ANKRD44: variants seen among roughly 807,000 people sequenced by gnomAD.
ANKRD44 encodes serine/threonine-protein phosphatase 6 regulatory ankyrin repeat subunit B.
In ANKRD44, 35 loss-of-function variants were observed where a neutral mutation model predicts 116.0. The ratio of observed to expected loss-of-function variants is 0.30; its 90% CI spans 0.23 to 0.40. The LOEUF (loss-of-function observed/expected upper bound fraction) is 0.40. Ranked by LOEUF, ANKRD44 falls within the 10% of genes least tolerant of loss-of-function variation. The probability of loss-of-function intolerance (pLI) is 1.00; values close to 1 mark genes in which losing one functional copy is unlikely to be tolerated. For synonymous variants in ANKRD44, 435 were observed against 461.8 expected (o/e 0.94, Z 0.74); for missense variants, 1,014 against 1,242.6 (o/e 0.82, Z 2.77).
At chr2:197,049,030 T>C (rs1391069450) in intron 16 of ANKRD44, among the ~76,000 whole-genome samples, 1 of 151,542 alleles carries the variant, frequency 6.6e-6, no homozygotes, top group African/African-American at 2.4e-5. Flanking sequence ...TTTGATGGGG[T>C]TTTTTTTTCT....
At chr2:197,029,499 C>A (rs771841794) in intron 16 of ANKRD44, 4 of 466,688 alleles carry the variant, frequency 8.6e-6, no homozygotes, top group South Asian at 1.5e-5. Flanking sequence ...ATGCCTAGTG[C>A]CATATAATTC....
chr2:197,217,337 A>G (rs896821768), intron 1 of ANKRD44, among the ~76,000 whole-genome samples: 2 of 152,154 alleles, frequency 1.3e-5, no homozygotes, highest in African/African-American at 4.8e-5. Flanking sequence ...CTCAAAAACC[A>G]TCCAGTGATT....
intron 1 of ANKRD44, among the ~76,000 whole-genome samples, chr2:197,271,768 T>C (rs557077429): frequency 6.6e-6 from 1 of 152,016 alleles, no homozygotes; most frequent in East Asian, 1.9e-4. Flanking sequence ...CATACCACCA[T>C]TTTTTAAATT....
At chr2:197,226,661 C>CA (rs36091883) in intron 1 of ANKRD44, among the ~76,000 whole-genome samples, 42 of 149,562 alleles carry the variant, frequency 2.8e-4, no homozygotes, top group Admixed American at 1.0e-3. Context: ...GACTCCGTCT[C>CA]AAAAAAAAAA....
chr2:197,088,066 G>A (rs1210755206), intron 12 of ANKRD44, among the ~76,000 whole-genome samples: 1 of 152,030 alleles, frequency 6.6e-6, no homozygotes, highest in African/African-American at 2.4e-5. Flanking sequence ...CCCCAAACAA[G>A]GTCATCCAAG....
At chr2:197,217,361 A>T (rs145531842) in intron 1 of ANKRD44, among the ~76,000 whole-genome samples, 54 of 152,350 alleles carry the variant, frequency 3.5e-4, no homozygotes, top group South Asian at 8.3e-4. Context: ...ATTTTCACTA[A>T]GGTTGGATAG....
intron 13 of ANKRD44, among the ~76,000 whole-genome samples, chr2:197,083,963 A>G (rs750517951): frequency 6.6e-6 from 1 of 152,032 alleles, no homozygotes; most frequent in African/African-American, 2.4e-5. Flanking sequence ...GGTCTATGTT[A>G]TTGCTTTTTT....
intron 4 of ANKRD44, among the ~76,000 whole-genome samples, chr2:197,128,834 T>C (rs984961521): frequency 2.6e-5 from 4 of 152,190 alleles, no homozygotes; most frequent in Admixed American, 6.5e-5. Flanking sequence ...TCAAACTGTC[T>C]GTGGTAAAGA....
intron 1 of ANKRD44, among the ~76,000 whole-genome samples, chr2:197,306,086 G>A (rs1041394439): frequency 1.3e-5 from 2 of 151,790 alleles, no homozygotes; most frequent in African/African-American, 2.4e-5. Flanking sequence ...GGCAGGGGCA[G>A]AGGCCTCAGA....
intron 3 of ANKRD44, among the ~76,000 whole-genome samples, chr2:197,139,450 A>G (rs1054999623): frequency 6.6e-6 from 1 of 152,192 alleles, no homozygotes; most frequent in African/African-American, 2.4e-5. Context: ...CTGTATTTCT[A>G]TATGTTGTTT....
chr2:197,297,431 A>G (rs1457728687), intron 1 of ANKRD44, among the ~76,000 whole-genome samples: 1 of 152,222 alleles, frequency 6.6e-6, no homozygotes, highest in African/African-American at 2.4e-5. Flanking sequence ...TGGTCTCTTT[A>G]ATGTGACAAA....
At chr2:197,109,389 C>T (rs764980592) in intron 9 of ANKRD44, among the ~76,000 whole-genome samples, 2 of 152,060 alleles carry the variant, frequency 1.3e-5, no homozygotes, top group Non-Finnish European at 2.9e-5. Context: ...GGGTATTGCA[C>T]GGTTAATTTC....
At chr2:197,271,017 G>T (rs554404048) in intron 1 of ANKRD44, among the ~76,000 whole-genome samples, 3 of 152,164 alleles carry the variant, frequency 2.0e-5, no homozygotes, top group Non-Finnish European at 2.9e-5. Flanking sequence ...GCTGCCCAGG[G>T]ACCTGTGCTG....
chr2:197,024,778 A>G (rs1370901693), intron 17 of ANKRD44, among the ~76,000 whole-genome samples: 1 of 152,226 alleles, frequency 6.6e-6, no homozygotes, highest in African/African-American at 2.4e-5. Flanking sequence ...GTGCTGAAAC[A>G]TCCTGCCAGT....
At chr2:197,242,412 CT>C (rs2082108285) in intron 1 of ANKRD44, among the ~76,000 whole-genome samples, 2 of 152,118 alleles carry the variant, frequency 1.3e-5, no homozygotes. Context: ...ATGCTTGATC[CT>C]AAGGCTCCCC....
intron 1 of ANKRD44, among the ~76,000 whole-genome samples, chr2:197,274,530 G>A (rs1380841442): frequency 3.3e-5 from 5 of 152,150 alleles, no homozygotes; most frequent in East Asian, 3.9e-4. Context: ...AAAGGCCCAC[G>A]ATGGCCCAAA....
intron 1 of ANKRD44, among the ~76,000 whole-genome samples, chr2:197,298,464 A>G (rs2083791144): frequency 6.6e-6 from 1 of 152,210 alleles, no homozygotes; most frequent in South Asian, 2.1e-4. Flanking sequence ...AACCAGAAAA[A>G]TCATGTGCTT....
intron 4 of ANKRD44, chr2:197,135,807 C>G (rs1174846261): frequency 6.5e-6 from 1 of 152,708 alleles, no homozygotes; most frequent in East Asian, 1.9e-4. Context: ...CATTTACCTA[C>G]CAGCTTCTTT....
chr2:197,179,497 T>G (rs1574212782), intron 2 of ANKRD44, among the ~76,000 whole-genome samples: 1 of 152,230 alleles, frequency 6.6e-6, no homozygotes, highest in East Asian at 1.9e-4. Context: ...ATCCTTTATG[T>G]TTACATGCTC....
Sources: gnomAD v4.1 joint callset for allele counts (sites outside exome capture counted in the v4.1 genomes callset) on GRCh38, gnomAD v4.1.1 for gene constraint, MANE v1.5 for transcripts, NCBI Gene and HGNC (gene_info 2026-07-23, HGNC 2026-07-21) for gene names.